ANKRD26: variants seen among roughly 807,000 people sequenced by gnomAD.
The protein encoded by ANKRD26 is ankyrin repeat domain-containing protein 26.
ANKRD26 carries 141 observed loss-of-function variants against 208.7 expected under a neutral mutation model. The observed-to-expected ratio is 0.68, with a 90% CI of 0.59 to 0.78. The LOEUF (loss-of-function observed/expected upper bound fraction) is 0.78, where lower values mean the gene tolerates loss of function less well. ANKRD26 is among the 30% of genes least tolerant of loss of function. ANKRD26 has a pLI of 0.00. For synonymous variants in ANKRD26, 636 were observed against 660.4 expected (o/e 0.96, Z 0.57); for missense variants, 1,889 against 1,938.7 (o/e 0.97, Z 0.48).
At chr10:27,036,302 A>G (rs1456487557) in intron 23 of ANKRD26, among the ~76,000 whole-genome samples, 5 of 151,996 alleles carry the variant, frequency 3.3e-5, no homozygotes, top group African/African-American at 1.2e-4. Context: ...ACTTCTACAT[A>G]TATCAATGAA....
intron 20 of ANKRD26, among the ~76,000 whole-genome samples, chr10:27,043,018 T>C (rs577931802): frequency 9.3e-5 from 14 of 150,670 alleles, no homozygotes; most frequent in Non-Finnish European, 1.9e-4. Context: ...AGGAAATCTT[T>C]GTGACCCTGT....
chr10:27,029,354 C>A lies in ANKRD26; in HGVS notation c.3810G>T (p.Leu1270Phe). 3 of 1,610,780 alleles carry A rather than the reference C, an allele frequency of 1.9e-6. No individual in the cohort carries two copies. The South Asian group carries it at 3.3e-5, about 18-fold the overall frequency. The change falls in exon 26 of 34, where the codon TTG becomes TTT. Residue 1270 changes from leucine (L) to phenylalanine (F), a missense_variant and splice_region_variant. Around this residue, in one of 3 missense-constraint regions of ANKRD26, gnomAD observed 613 missense variants for 648.2 expected, o/e 0.95. Coordinates refer to ENST00000376087, the MANE Select transcript of ANKRD26 (RefSeq NM_014915.3). ...KKKLGQIRNQ[L>F]QEAQDRHTEA... Reference sequence around the variant, plus strand: ...CTGTATGTCGATCCTGTGCTTCTTGCAACTAAAACAAAGAATAAAAAAAAC... The same window carrying A: ...CTGTATGTCGATCCTGTGCTTCTTGAAACTAAAACAAAGAATAAAAAAAAC...
Position 27,043,582 on chromosome 10 carries a change from A to G in ANKRD26, c.2020-15T>C. 1 of 1,608,846 alleles carries G rather than the reference A, an allele frequency of 6.2e-7. No homozygotes were observed. The highest frequency in any genetic ancestry group is 8.5e-7 in the Non-Finnish European group (1 of 1,175,698). On this transcript the variant is annotated splice_polypyrimidine_tract_variant and intron_variant, in intron 19 of 33. Transcript: ENST00000376087. ...TGGTTTTTGACCTATGAAATAAATA[A>G]CACTGTTTCAAAATGTCCCCAGAAT...
intron 4 of ANKRD26, among the ~76,000 whole-genome samples, chr10:26,981,859 A>G (rs2134624954): frequency 6.6e-6 from 1 of 152,260 alleles, no homozygotes; most frequent in African/African-American, 2.4e-5. Context: ...TGTCGTGGCT[A>G]CCTGAATCTG....
chr10:27,000,621 T>TA (rs1362464280), downstream of ANKRD26, among the ~76,000 whole-genome samples: 1 of 152,108 alleles, frequency 6.6e-6, no homozygotes, highest in African/African-American at 2.4e-5. Flanking sequence ...GGAAATAAAA[T>TA]GTAAGGAAGG....
In ANKRD26 at chr10:27,053,396, A is replaced by T. The variant is rs769269885; in HGVS notation, c.1565-6T>A. The T allele has an allele frequency of 6.2e-7, 1 of 1,606,120 alleles. No individual in the cohort carries two copies. The highest frequency in any genetic ancestry group is 1.3e-5 in the African/African-American group (1 of 74,880). ...TACTTCTAAGTCATGTTCAGCTGAA[A>T]AAATCCAAATATTTAGTTTAATGAA... On this transcript the variant is annotated splice_region_variant and splice_polypyrimidine_tract_variant and intron_variant, in intron 15 of 33. Coordinates refer to ENST00000376087, the MANE Select transcript of ANKRD26 (RefSeq NM_014915.3).
In ANKRD26 at chr10:27,014,676, A is replaced by T. The variant is rs2274741; in HGVS notation, c.4542T>A (p.Phe1514Leu). ...QAASQENLEQ[F>L]RENNFASMKS... Reference sequence around the variant, plus strand: ...TCATTGAAGCAAAATTATTCTCTCTAAACTGCTCTAAGTTTTCTTGAGATG... The same window carrying T: ...TCATTGAAGCAAAATTATTCTCTCTTAACTGCTCTAAGTTTTCTTGAGATG... Residue 1514 changes from phenylalanine to leucine, a missense_variant, in exon 31 of 34, where the codon TTT (phenylalanine) becomes TTA (leucine). Coordinates refer to ENST00000376087, the MANE Select transcript of ANKRD26 (RefSeq NM_014915.3). The T allele has an allele frequency of 0.18, 282,810 of 1,612,226 alleles. 31,615 individuals are homozygous for T. Among genetic ancestry groups the T allele is most frequent in the East Asian group, 0.57 (25,723 of 44,770 alleles).
chr10:26,997,409 G>C (rs1014149391), intron 4 of ANKRD26, among the ~76,000 whole-genome samples: 2 of 152,188 alleles, frequency 1.3e-5, no homozygotes, highest in Non-Finnish European at 2.9e-5. Flanking sequence ...AATACTAGGA[G>C]AGGTGAAACA....
chr10:27,026,269 A>G (rs1357890655), intron 27 of ANKRD26, among the ~76,000 whole-genome samples: 1 of 152,322 alleles, frequency 6.6e-6, no homozygotes, highest in South Asian at 2.1e-4. Context: ...TTTCTATGGG[A>G]ATCTACAGAA....
At chr10:27,057,220 A>C (rs928612798) in intron 15 of ANKRD26, among the ~76,000 whole-genome samples, 1 of 151,790 alleles carries the variant, frequency 6.6e-6, no homozygotes, top group African/African-American at 2.4e-5. Context: ...CAAACACACT[A>C]CTCCTCCATG....
intron 5 of ANKRD26, among the ~76,000 whole-genome samples, chr10:27,086,189 A>T (rs1257536977): frequency 6.6e-6 from 1 of 152,168 alleles, no homozygotes; most frequent in African/African-American, 2.4e-5. Flanking sequence ...TAAATAGAAG[A>T]TCCATTTTTT....
In ANKRD26 at chr10:27,032,203, G is replaced by C. The variant is rs558605329; in HGVS notation, c.3807+1022C>G. On this transcript the variant is annotated intron_variant, in intron 25 of 33. Transcript: ENST00000376087. ...ATAAGAAAAAAATGGCAGAATGAAA[G>C]AGTTTAATAAACAAGATGGGTGCGG... Among the ~76,000 whole-genome samples, 34 of 152,304 alleles carry C rather than the reference G, an allele frequency of 2.2e-4. No individual in the cohort carries two copies. In the East Asian group the frequency reaches 6.4e-3, roughly 29 times the overall value.
intron 11 of ANKRD26, among the ~76,000 whole-genome samples, chr10:27,065,722 T>G (rs917638310): frequency 6.4e-5 from 8 of 124,318 alleles, no homozygotes; most frequent in Admixed American, 1.7e-4. Flanking sequence ...AGTTCTAAGT[T>G]GTCAAAAAAC....
intron 16 of ANKRD26, chr10:27,051,438 C>T: frequency 9.2e-7 from 1 of 1,090,164 alleles, no homozygotes; most frequent in Non-Finnish European, 1.1e-6. Flanking sequence ...GTCTAATTTC[C>T]AGTTAGTGGT....
In ANKRD26 at chr10:27,100,120, C is replaced by G. The variant is rs997859167; in HGVS notation, c.207G>C (p.Arg69Ser). 1.9e-6 allele frequency: 3 copies of G among 1,614,032 alleles called. No individual in the cohort carries two copies. In the African/African-American group the frequency reaches 4.0e-5, roughly 22 times the overall value. Residue 69 changes from arginine to serine, a missense_variant, in exon 1 of 34, where the codon AGG (arginine) becomes AGC (serine). Coordinates refer to ENST00000376087, the MANE Select transcript of ANKRD26 (RefSeq NM_014915.3). The part of the protein sequence containing the change: ...VAKVQQILLL[R>S]KNGLNDRDKM... Reference sequence around the variant, plus strand: ...TGTCTCTATCGTTCAAGCCATTCTTCCTGAGCAAAAGGATCTGCTGCACTT... The same window carrying G: ...TGTCTCTATCGTTCAAGCCATTCTTGCTGAGCAAAAGGATCTGCTGCACTT...
chr10:27,051,505 C>T, intron 16 of ANKRD26: 2 of 1,029,658 alleles, frequency 1.9e-6, no homozygotes, highest in Non-Finnish European at 2.3e-6. Context: ...CCTGTAACTA[C>T]TTCTGGGTTC....
At chr10:27,082,291 C>T (rs1482138464) in intron 6 of ANKRD26, among the ~76,000 whole-genome samples, 1 of 152,142 alleles carries the variant, frequency 6.6e-6, no homozygotes, top group African/African-American at 2.4e-5. Context: ...GTGTGGTCTG[C>T]TTATGTAAAA....
At chr10:27,096,834 A>G (rs928921319) in intron 1 of ANKRD26, among the ~76,000 whole-genome samples, 6 of 151,984 alleles carry the variant, frequency 3.9e-5, no homozygotes, top group African/African-American at 1.4e-4. Flanking sequence ...TATGTTTCCA[A>G]TTCAAAGATC....
At chr10:27,050,219 C>CAAAAAAAAAAAAAAAAAAAAAAAAA (rs67384671) in intron 16 of ANKRD26, among the ~76,000 whole-genome samples, 6 of 33,042 alleles carry the variant, frequency 1.8e-4, no homozygotes, top group South Asian at 2.3e-3. Flanking sequence ...GAATCTGTCT[C>CAAAAAAAAAAAAAAAAAAAAAAAAA]AAAAAAAAAA....
Sources: gnomAD v4.1 joint callset for allele counts (sites outside exome capture counted in the v4.1 genomes callset) on GRCh38, gnomAD v4.1.1 for gene constraint, gnomAD v4.1.1 regional missense constraint, MANE v1.5 for transcripts, NCBI Gene and HGNC (gene_info 2026-07-23, HGNC 2026-07-21) for gene names.